KIAA0825: variants seen among roughly 807,000 people sequenced by gnomAD.
KIAA0825 encodes the protein KIAA0825, also known as uncharacterized protein KIAA0825.
A neutral mutation model predicts 147.6 loss-of-function variants in KIAA0825; 119 were observed. The observed-to-expected ratio is 0.81, with a 90% CI of 0.69 to 0.94. KIAA0825 has a LOEUF of 0.94. Among genes scored for constraint, KIAA0825 ranks in the 40% least tolerant of loss-of-function variants. The pLI, the probability that KIAA0825 is intolerant of heterozygous loss-of-function variation, is 0.00. For missense variants in KIAA0825, 1,381 were observed against 1,472.7 expected, an observed-to-expected ratio of 0.94 and a Z score of 1.02; for synonymous variants, 470 against 518.1, an observed-to-expected ratio of 0.91 and a Z score of 1.26.
intron 20 of KIAA0825, among the ~76,000 whole-genome samples, chr5:94,366,870 C>T (rs1745927986): frequency 6.6e-6 from 1 of 152,210 alleles, no homozygotes; most frequent in Admixed American, 6.5e-5. Flanking sequence ...TTGATGCGTC[C>T]ACCTTACTGT....
At chr5:94,346,681 T>TC (rs1444759302) in intron 20 of KIAA0825, among the ~76,000 whole-genome samples, 1 of 152,020 alleles carries the variant, frequency 6.6e-6, no homozygotes, top group African/African-American at 2.4e-5. Context: ...GCTTGTTGGG[T>TC]CCCCTAGCGG....
At chr5:94,449,329 T>C (rs947098234) in intron 13 of KIAA0825, among the ~76,000 whole-genome samples, 2 of 152,064 alleles carry the variant, frequency 1.3e-5, no homozygotes, top group Non-Finnish European at 2.9e-5. Context: ...GAGAGAGATA[T>C]AATGAAAACA....
At chr5:94,442,832 G>A (rs1442288315) in intron 13 of KIAA0825, among the ~76,000 whole-genome samples, 1 of 152,136 alleles carries the variant, frequency 6.6e-6, no homozygotes, top group African/African-American at 2.4e-5. Flanking sequence ...GAATCTTTGA[G>A]AGATAGTCTG....
intron 20 of KIAA0825, among the ~76,000 whole-genome samples, chr5:94,287,395 C>T (rs1777708435): frequency 6.6e-6 from 1 of 152,124 alleles, no homozygotes; most frequent in South Asian, 2.1e-4. Flanking sequence ...CCTGATTTGC[C>T]AGATTTTACA....
At chr5:94,234,582 G>A (rs1359080742) in intron 20 of KIAA0825, among the ~76,000 whole-genome samples, 1 of 152,084 alleles carries the variant, frequency 6.6e-6, no homozygotes, top group African/African-American at 2.4e-5. Flanking sequence ...GCATCTGCTT[G>A]GCTTCTGGTG....
At chr5:94,267,306 G>T (rs563112929) in intron 20 of KIAA0825, among the ~76,000 whole-genome samples, 1 of 152,292 alleles carries the variant, frequency 6.6e-6, no homozygotes, top group East Asian at 1.9e-4. Context: ...GCTTATTTGA[G>T]ATTGTGATTA....
At chr5:94,338,991 TAAAGACATC>T (rs2150320524) in intron 20 of KIAA0825, among the ~76,000 whole-genome samples, 1 of 152,332 alleles carries the variant, frequency 6.6e-6, no homozygotes, top group African/African-American at 2.4e-5. Context: ...TTGCCTTATA[TAAAGACATC>T]AAACCTTATA....
chr5:94,540,198 T>C (rs991392403), intron 2 of KIAA0825, among the ~76,000 whole-genome samples: 1 of 152,210 alleles, frequency 6.6e-6, no homozygotes, highest in Non-Finnish European at 1.5e-5. Context: ...TTTTGATTAA[T>C]GGGAAAAAGG....
intron 1 of KIAA0825, among the ~76,000 whole-genome samples, chr5:94,600,657 T>C (rs1175747850): frequency 3.9e-5 from 6 of 152,176 alleles, no homozygotes. Context: ...CTTACCTCTC[T>C]GTGTTAATCT....
intron 20 of KIAA0825, among the ~76,000 whole-genome samples, chr5:94,217,731 C>T (rs973108958): frequency 6.6e-6 from 1 of 151,906 alleles, no homozygotes; most frequent in Non-Finnish European, 1.5e-5. Context: ...AAGGGACACA[C>T]AAATAATATT....
chr5:94,496,629 T>C (rs752760291), intron 5 of KIAA0825, among the ~76,000 whole-genome samples: 15 of 152,136 alleles, frequency 9.9e-5, no homozygotes, highest in Non-Finnish European at 2.2e-4. Context: ...ATGTGTGTTC[T>C]GAGCTAGGTG....
intron 20 of KIAA0825, among the ~76,000 whole-genome samples, chr5:94,299,616 C>G (rs1444368767): frequency 6.6e-6 from 1 of 152,102 alleles, no homozygotes; most frequent in Non-Finnish European, 1.5e-5. Flanking sequence ...AAGGTGAATT[C>G]TACTGTCCCT....
chr5:94,297,548 T>C (rs1278531634), intron 20 of KIAA0825, among the ~76,000 whole-genome samples: 1 of 152,162 alleles, frequency 6.6e-6, no homozygotes, highest in Non-Finnish European at 1.5e-5. Flanking sequence ...AGAAAAATTT[T>C]CAGTATATAT....
At chr5:94,519,854 G>A (rs1377676908) in intron 5 of KIAA0825, 10 of 586,830 alleles carry the variant, frequency 1.7e-5, no homozygotes, top group Admixed American at 6.3e-5. Flanking sequence ...ATATATAACT[G>A]AGTATATGTG....
chr5:94,419,373 T>C (rs1753879385), intron 14 of KIAA0825, among the ~76,000 whole-genome samples: 1 of 152,178 alleles, frequency 6.6e-6, no homozygotes, highest in Admixed American at 6.6e-5. Flanking sequence ...TACATAAAAT[T>C]ATCCATTATC....
At chr5:94,372,171 C>A (rs182458845) in intron 20 of KIAA0825, among the ~76,000 whole-genome samples, 3 of 152,378 alleles carry the variant, frequency 2.0e-5, no homozygotes, top group Non-Finnish European at 4.4e-5. Flanking sequence ...TATAGCCCCC[C>A]TCCTGGCTGC....
intron 2 of KIAA0825, among the ~76,000 whole-genome samples, chr5:94,550,830 A>G (rs1208508902): frequency 6.7e-6 from 1 of 150,188 alleles, no homozygotes; most frequent in African/African-American, 2.5e-5. Context: ...CGACAGAGCG[A>G]GACTCTATGT....
At chr5:94,356,335 CGGT>C (rs1784246029) in intron 20 of KIAA0825, among the ~76,000 whole-genome samples, 1 of 151,862 alleles carries the variant, frequency 6.6e-6, no homozygotes, top group South Asian at 2.1e-4. Flanking sequence ...CAGCCGGGAG[CGGT>C]GGCTCATGCC....
chr5:94,182,756 C>A (rs1769780367), intron 20 of KIAA0825, among the ~76,000 whole-genome samples: 1 of 152,090 alleles, frequency 6.6e-6, no homozygotes, highest in South Asian at 2.1e-4. Flanking sequence ...ATTTTTTAAA[C>A]TTCTGTGTCC....
Sources: gnomAD v4.1 joint callset for allele counts (sites outside exome capture counted in the v4.1 genomes callset) on GRCh38, gnomAD v4.1.1 for gene constraint, MANE v1.5 for transcripts, NCBI Gene and HGNC (gene_info 2026-07-23, HGNC 2026-07-21) for gene names.